The following PLCG2 variants were observed in gnomAD, a reference collection of about 807,000 sequenced individuals.
PLCG2 encodes 1-phosphatidylinositol 4,5-bisphosphate phosphodiesterase gamma-2.
In PLCG2, 69 loss-of-function variants were observed where a neutral mutation model predicts 175.6. The observed-to-expected ratio is 0.39, with a 90% CI of 0.32 to 0.48. PLCG2 has a LOEUF of 0.48. PLCG2 is among the 20% of genes least tolerant of loss of function. PLCG2 has a pLI of 0.91. For synonymous variants in PLCG2, 827 were observed against 624.0 expected (o/e 1.33, Z -4.85); for missense variants, 1,798 against 1,650.9 (o/e 1.09, Z -1.54).
chr16:81,803,633 T>TCCCTCCC (rs1193582710), intron 2 of PLCG2, among the ~76,000 whole-genome samples: 2 of 88,568 alleles, frequency 2.3e-5, no homozygotes, highest in Non-Finnish European at 4.5e-5. Flanking sequence ...TCTTTTCTTC[T>TCCCTCCC]TCCCTCCCTC....
chr16:81,884,883 T>C (rs1908276993), intron 9 of PLCG2, among the ~76,000 whole-genome samples: 1 of 152,084 alleles, frequency 6.6e-6, no homozygotes, highest in East Asian at 1.9e-4. Context: ...ACGAGCATTT[T>C]GCAATTTTTT....
intron 2 of PLCG2, among the ~76,000 whole-genome samples, chr16:81,760,766 T>TAAAA (rs1555562071): frequency 1.1e-5 from 1 of 91,546 alleles, no homozygotes; most frequent in Non-Finnish European, 2.4e-5. Flanking sequence ...AAAATAATAA[T>TAAAA]AATAATAATA....
rs148551879 is a variant in PLCG2, at chr16:81,864,758, C to T, written c.480-4456C>T. Reference sequence around the variant, plus strand: ...GCCTCAGCATGGCTGGTAAGTGTCACGGGGCTGCCATCCTTAATGGTTTGG... The same window carrying T: ...GCCTCAGCATGGCTGGTAAGTGTCATGGGGCTGCCATCCTTAATGGTTTGG... On this transcript the variant is annotated intron_variant, in intron 5 of 32. Coordinates refer to ENST00000564138, the MANE Select transcript of PLCG2 (RefSeq NM_002661.5). 7.2e-5 allele frequency among the ~76,000 whole-genome samples: 11 copies of T among 152,236 alleles called. No homozygotes were observed. The East Asian group carries it at 9.7e-4, about 13-fold the overall frequency.
At position 81,959,296 on chromosome 16, in the gene PLCG2, T is replaced by C. The variant is rs79234931; in HGVS notation, c.*1298T>C. Reference sequence around the variant, plus strand: ...AGAAACCCATCTGACCCTCCTCTTGTTACCCGAAATGCTGGGCTTAGTATG... The same window carrying C: ...AGAAACCCATCTGACCCTCCTCTTGCTACCCGAAATGCTGGGCTTAGTATG... On this transcript the variant is annotated 3_prime_UTR_variant, in exon 33 of 33. Coordinates refer to ENST00000564138, the MANE Select transcript of PLCG2 (RefSeq NM_002661.5). 6.3e-3 allele frequency: 1,422 copies of C among 224,384 alleles called. 28 individuals are homozygous for C. Among genetic ancestry groups the C allele is most frequent in the African/African-American group, 0.029 (1,317 of 44,892 alleles). 13.9% of individuals were successfully genotyped at this position (224,384 alleles called of 1,614,324 possible).
chr16:81,842,359 C>A (rs1348104854), intron 2 of PLCG2, among the ~76,000 whole-genome samples: 3 of 152,174 alleles, frequency 2.0e-5, no homozygotes, highest in Non-Finnish European at 4.4e-5. Flanking sequence ...ATATCATATG[C>A]CGGCCTGGAC....
chr16:81,747,047 C>T (rs1909720854), intron 1 of PLCG2, among the ~76,000 whole-genome samples: 2 of 152,144 alleles, frequency 1.3e-5, no homozygotes, highest in Non-Finnish European at 2.9e-5. Flanking sequence ...AAGTTAAAAG[C>T]ATATGACAAG....
intron 15 of PLCG2, among the ~76,000 whole-genome samples, chr16:81,907,084 A>G (rs984822821): frequency 6.6e-6 from 1 of 151,806 alleles, no homozygotes; most frequent in African/African-American, 2.4e-5. Flanking sequence ...TGGCACATGT[A>G]TACATATGTA....
chr16:81,942,402 G>T (rs149079828), intron 30 of PLCG2, among the ~76,000 whole-genome samples: 167 of 152,340 alleles, frequency 1.1e-3, no homozygotes, highest in African/African-American at 3.9e-3. Flanking sequence ...GATACTCTCA[G>T]CAGGGACCTT....
At chr16:81,873,613 A>C (rs1907625731) in intron 7 of PLCG2, among the ~76,000 whole-genome samples, 1 of 151,930 alleles carries the variant, frequency 6.6e-6, no homozygotes, top group South Asian at 2.1e-4. Flanking sequence ...TGTCAGACAG[A>C]TGTCAGGCAA....
intron 24 of PLCG2, among the ~76,000 whole-genome samples, chr16:81,930,306 G>C (rs772102946): frequency 8.5e-5 from 13 of 152,108 alleles, no homozygotes; most frequent in South Asian, 2.1e-4. Flanking sequence ...TTTCTTCTCT[G>C]TAAGATCCTT....
At position 81,754,014 on chromosome 16, in the gene PLCG2, C is replaced by T. The variant is rs12933938; in HGVS notation, c.-144-1856C>T. 8.3e-3 allele frequency among the ~76,000 whole-genome samples: 1,266 copies of T among 152,166 alleles called. 11 individuals carry two copies. Among genetic ancestry groups the T allele is most frequent in the South Asian group, 0.026 (127 of 4,830 alleles). On this transcript the variant is annotated intron_variant, in intron 1 of 5. Transcript: ENST00000565054. ...TGTGTCTTCTCTTGCCTGGCCTGGC[C>T]GCCATCACAGGCCCACCCCCGGGGA...
intron 2 of PLCG2, among the ~76,000 whole-genome samples, chr16:81,810,387 C>A (rs905280620): frequency 3.3e-5 from 5 of 152,178 alleles, no homozygotes; most frequent in Admixed American, 3.3e-4. Flanking sequence ...CTATGCTTGG[C>A]CTTCGTTATT....
intron 2 of PLCG2, among the ~76,000 whole-genome samples, chr16:81,792,810 G>T (rs1305079106): frequency 6.6e-6 from 1 of 152,142 alleles, no homozygotes; most frequent in Non-Finnish European, 1.5e-5. Context: ...TATGACACAT[G>T]AGGATTATGG....
intron 1 of PLCG2, among the ~76,000 whole-genome samples, chr16:81,779,758 C>G (rs1404253466): frequency 6.6e-6 from 1 of 152,042 alleles, no homozygotes; most frequent in Non-Finnish European, 1.5e-5. Context: ...TCTTTTCGAG[C>G]GGCTCTGCGT....
At position 81,900,648 on chromosome 16, in the gene PLCG2, C is replaced by T. The variant is rs768678663; in HGVS notation, c.1230C>T (p.Ser410=). Reference sequence around the variant, plus strand: ...TCCTGTCCATCGAGGAGCACTGCAGCGTGGAGCAACAGCGTCACATGGCCA... The same window carrying T: ...TCCTGTCCATCGAGGAGCACTGCAGTGTGGAGCAACAGCGTCACATGGCCA... ...PVILSIEEHC[S]VEQQRHMAKA... is the part of the protein sequence containing the mutation. Residue 410 remains serine (S), a synonymous_variant, in exon 14 of 33, where the codon AGC becomes AGT. Coordinates refer to ENST00000564138, the MANE Select transcript of PLCG2 (RefSeq NM_002661.5). 11 of 1,611,214 alleles carry T rather than the reference C, an allele frequency of 6.8e-6. 1 individual carries two copies. The South Asian group carries it at 8.8e-5, about 13-fold the overall frequency.
At chr16:81,923,768 A>C (rs1202337258) in intron 22 of PLCG2, among the ~76,000 whole-genome samples, 174 bp downstream of exon 22, 5 of 152,192 alleles carry the variant, frequency 3.3e-5, no homozygotes, top group African/African-American at 1.2e-4. Context: ...CTATTTGAGA[A>C]AATGGATAAA....
At chr16:81,746,238 C>A (rs1486325362) in intron 1 of PLCG2, among the ~76,000 whole-genome samples, 2 of 152,214 alleles carry the variant, frequency 1.3e-5, no homozygotes, top group African/African-American at 4.8e-5. Flanking sequence ...CGGTGCTTCC[C>A]GGTTTATAAC....
chr16:81,892,984 C>T (rs952055223), intron 11 of PLCG2, among the ~76,000 whole-genome samples: 4 of 151,470 alleles, frequency 2.6e-5, no homozygotes, highest in African/African-American at 4.9e-5. Flanking sequence ...AGCTGGGACT[C>T]CGGGCACGAG....
At chr16:81,874,224 C>G (rs1004804694) in intron 7 of PLCG2, among the ~76,000 whole-genome samples, 3 of 152,168 alleles carry the variant, frequency 2.0e-5, no homozygotes, top group African/African-American at 7.2e-5. Context: ...CGAGATCTGG[C>G]TATAAATAGG....
Sources: allele counts gnomAD v4.1 joint callset (sites outside exome capture counted in the v4.1 genomes callset), GRCh38; gene constraint gnomAD v4.1.1; transcripts MANE v1.5; gene names NCBI Gene and HGNC (gene_info 2026-07-23, HGNC 2026-07-21).